ULK4: variants seen among roughly 807,000 people sequenced by gnomAD.
ULK4 encodes the protein inactive serine/threonine-protein kinase ULK4.
Under a neutral mutation model 160.6 loss-of-function variants are expected in ULK4, and 133 were observed. The ratio of observed to expected loss-of-function variants is 0.83; its 90% CI spans 0.72 to 0.96. ULK4 has a LOEUF of 0.96. ULK4 is among the 40% of genes least tolerant of loss of function. The pLI, the probability that ULK4 is intolerant of heterozygous loss-of-function variation, is 0.00. For missense variants in ULK4, 1,580 were observed against 1,499.5 expected, an observed-to-expected ratio of 1.05 and a Z score of -0.89; for synonymous variants, 534 against 539.8, an observed-to-expected ratio of 0.99 and a Z score of 0.15.
intron 32 of ULK4, among the ~76,000 whole-genome samples, chr3:41,494,791 C>T (rs1575308506): frequency 6.6e-6 from 1 of 151,892 alleles, no homozygotes; most frequent in African/African-American, 2.4e-5. Context: ...CAATAACAGA[C>T]AAACAGAGAG....
chr3:41,840,290 A>G (rs1157074253), intron 17 of ULK4, among the ~76,000 whole-genome samples: 1 of 152,192 alleles, frequency 6.6e-6, no homozygotes. Context: ...AAAAAGAGTT[A>G]GCCAGGCATG....
chr3:41,795,994 A>T (rs1288141715), intron 20 of ULK4, among the ~76,000 whole-genome samples: 1 of 152,142 alleles, frequency 6.6e-6, no homozygotes, highest in Non-Finnish European at 1.5e-5. Context: ...ATCAAAGAGG[A>T]TGTCTAGCCC....
intron 17 of ULK4, among the ~76,000 whole-genome samples, chr3:41,866,084 A>C (rs1343383908): frequency 7.8e-6 from 1 of 127,956 alleles, no homozygotes; most frequent in African/African-American, 4.4e-5. Flanking sequence ...GAACAGACAG[A>C]TGATAGGGAG....
intron 35 of ULK4, among the ~76,000 whole-genome samples, chr3:41,298,210 G>T (rs992560847): frequency 3.3e-5 from 5 of 152,182 alleles, no homozygotes; most frequent in African/African-American, 9.6e-5. Flanking sequence ...GAAACCTACT[G>T]AAATACTTTA....
At chr3:41,774,937 C>T (rs367837210) in intron 21 of ULK4, among the ~76,000 whole-genome samples, 3 of 150,168 alleles carry the variant, frequency 2.0e-5, no homozygotes, top group South Asian at 2.1e-4. Flanking sequence ...ATGGATGAAG[C>T]TGGAAACCAT....
At chr3:41,291,622 C>T (rs915643480) in intron 35 of ULK4, among the ~76,000 whole-genome samples, 3 of 152,038 alleles carry the variant, frequency 2.0e-5, no homozygotes, top group Non-Finnish European at 2.9e-5. Context: ...GATAAGCAAA[C>T]TATGTTATAA....
At chr3:41,327,876 C>T (rs2080367154) in intron 35 of ULK4, among the ~76,000 whole-genome samples, 1 of 152,196 alleles carries the variant, frequency 6.6e-6, no homozygotes, top group Non-Finnish European at 1.5e-5. Flanking sequence ...AAGCTTAAGA[C>T]ATGTCAGCAT....
At chr3:41,276,497 T>A (rs1190548637) in intron 35 of ULK4, among the ~76,000 whole-genome samples, 1 of 152,098 alleles carries the variant, frequency 6.6e-6, no homozygotes, top group African/African-American at 2.4e-5. Context: ...AAACATGTGA[T>A]AGAAAAAGAA....
intron 30 of ULK4, among the ~76,000 whole-genome samples, chr3:41,616,978 G>C (rs919615189): frequency 6.6e-6 from 1 of 152,188 alleles, no homozygotes; most frequent in African/African-American, 2.4e-5. Context: ...TGAGACTTTA[G>C]TAGGTGGTTT....
At chr3:41,406,051 G>A (rs954698710) in intron 34 of ULK4, among the ~76,000 whole-genome samples, 3 of 152,146 alleles carry the variant, frequency 2.0e-5, no homozygotes, top group African/African-American at 7.2e-5. Context: ...CAAGACCTAT[G>A]TCCAGAGGGG....
At chr3:41,694,209 A>G (rs950003234) in intron 27 of ULK4, among the ~76,000 whole-genome samples, 1 of 152,224 alleles carries the variant, frequency 6.6e-6, no homozygotes, top group Non-Finnish European at 1.5e-5. Context: ...ACTGGATACA[A>G]AGATAGCAGT....
intron 31 of ULK4, among the ~76,000 whole-genome samples, chr3:41,569,339 C>T (rs188929662): frequency 6.6e-6 from 1 of 152,100 alleles, no homozygotes. Flanking sequence ...AGGTGACAAG[C>T]CACCATCCTG....
At chr3:41,648,850 T>G (rs979475496) in intron 30 of ULK4, among the ~76,000 whole-genome samples, 1 of 152,048 alleles carries the variant, frequency 6.6e-6, no homozygotes, top group African/African-American at 2.4e-5. Context: ...AAGCCAGAAG[T>G]AGGCTAGGCA....
rs1340533966 is a variant in ULK4 at position 41,574,874 on chromosome 3, ACT to A, written c.3121-8746_3121-8745del. Among the ~76,000 whole-genome samples the A allele has an allele frequency of 3.9e-5, 6 of 152,000 alleles. No homozygotes were observed. In the East Asian group the frequency reaches 9.7e-4, roughly 25 times the overall value. ...GACTCCTCTTTCTAAAGTGGTAGAG[ACT>A]CTGTCTCCAGCTGTGGGGCTTAAAT... On this transcript the variant is annotated intron_variant, in intron 31 of 36. Transcript: ENST00000301831.
intron 32 of ULK4, among the ~76,000 whole-genome samples, chr3:41,464,006 TAAA>T (rs11395404): frequency 5.4e-4 from 78 of 144,626 alleles, no homozygotes; most frequent in South Asian, 1.5e-3. Context: ...TCAGATGTTC[TAAA>T]AAAAAAAAAA....
intron 32 of ULK4, among the ~76,000 whole-genome samples, chr3:41,520,908 T>C (rs906861986): frequency 6.6e-6 from 1 of 152,222 alleles, no homozygotes; most frequent in African/African-American, 2.4e-5. Context: ...AACTGGGTTA[T>C]TTGTTTTTCT....
At chr3:41,296,270 C>A (rs899997509) in intron 35 of ULK4, among the ~76,000 whole-genome samples, 1 of 152,080 alleles carries the variant, frequency 6.6e-6, no homozygotes, top group Non-Finnish European at 1.5e-5. Flanking sequence ...CATAAAACTC[C>A]TCTAAAAAAT....
chr3:41,566,000 G>C (rs1319650253), intron 32 of ULK4, 25 bp downstream of exon 32: 2 of 1,578,426 alleles, frequency 1.3e-6, no homozygotes, highest in Non-Finnish European at 1.7e-6. Context: ...AACTTGATCA[G>C]AGAGTAATTC....
At chr3:41,501,494 T>C (rs1189253358) in intron 32 of ULK4, among the ~76,000 whole-genome samples, 4 of 152,124 alleles carry the variant, frequency 2.6e-5, no homozygotes, top group Non-Finnish European at 5.9e-5. Flanking sequence ...CAAGACTCCG[T>C]CTCAAAACAA....
Sources: allele counts gnomAD v4.1 joint callset (sites outside exome capture counted in the v4.1 genomes callset), GRCh38; gene constraint gnomAD v4.1.1; transcripts MANE v1.5; gene names NCBI Gene and HGNC (gene_info 2026-07-23, HGNC 2026-07-21).